The following CLECL1 variants were observed in gnomAD, a reference collection of about 807,000 sequenced individuals.
The protein encoded by CLECL1 is C-type lectin like 1, also known as C-type lectin-like domain family 1.
chr12:9,703,413 G>T, the CLECL1 span, among the ~76,000 whole-genome samples: 1 of 122,556 alleles, frequency 8.2e-6, no homozygotes. Flanking sequence ...TTTATTTATT[G>T]AGACAAGGTC....
rs111872115 is a variant in CLECL1 at position 9,723,835 on chromosome 12, C to A, written n.263-1022G>T. Reference sequence around the variant, plus strand: ...ACAAGACAACCGAACTGAGACTTGACCTGCTGCCCCAAAGATAGAGATTTA... The same window carrying A: ...ACAAGACAACCGAACTGAGACTTGAACTGCTGCCCCAAAGATAGAGATTTA... On this transcript the variant is annotated intron_variant and non_coding_transcript_variant, in intron 3 of 3. Transcript: ENST00000621400. Among the ~76,000 whole-genome samples the A allele has an allele frequency of 8.7e-3, 1,317 of 152,204 alleles. 31 individuals are homozygous for A. The highest frequency in any genetic ancestry group is 0.03 in the African/African-American group (1,225 of 41,506).
chr12:9,707,654 G>A, the CLECL1 span, among the ~76,000 whole-genome samples: 1 of 152,172 alleles, frequency 6.6e-6, no homozygotes, highest in African/African-American at 2.4e-5. Context: ...CCTGCAAGGG[G>A]GCAAGGGAAC....
the CLECL1 span, among the ~76,000 whole-genome samples, chr12:9,702,761 A>G: frequency 6.6e-6 from 1 of 152,220 alleles, no homozygotes; most frequent in Non-Finnish European, 1.5e-5. Context: ...AAGAAAACTA[A>G]TGATGACATT....
At chr12:9,722,465 C>CG (rs765216118), downstream of CLECL1, 10 of 931,126 alleles carry the variant, frequency 1.1e-5, no homozygotes, top group Non-Finnish European at 1.3e-5. Flanking sequence ...TCCTCCTAGC[C>CG]GGAAAAAAAA....
chr12:9,717,500 A>G (rs1403382831), downstream of CLECL1, among the ~76,000 whole-genome samples: 1 of 152,230 alleles, frequency 6.6e-6, no homozygotes, highest in Non-Finnish European at 1.5e-5. Context: ...AATTGAAAGG[A>G]CCTTAGATTC....
chr12:9,720,250 T>C (rs1297143283), downstream of CLECL1, among the ~76,000 whole-genome samples: 1 of 151,968 alleles, frequency 6.6e-6, no homozygotes, highest in Non-Finnish European at 1.5e-5. Context: ...TTGTTGCCCT[T>C]CTCCCCAGCA....
chr12:9,707,361 T>A, the CLECL1 span, among the ~76,000 whole-genome samples: 5 of 152,228 alleles, frequency 3.3e-5, no homozygotes, highest in Non-Finnish European at 7.3e-5. Context: ...TAAAATTACA[T>A]AGTAATTTTA....
exon 3 of CLECL1, chr12:9,716,149 C>G (rs150918651): frequency 1.1e-3 from 175 of 152,534 alleles, no homozygotes; most frequent in Non-Finnish European, 7.6e-4. Flanking sequence ...TTCTGGCTCA[C>G]TCTCACCACT....
At chr12:9,713,184 G>A (rs1866211764), downstream of CLECL1, among the ~76,000 whole-genome samples, 1 of 152,210 alleles carries the variant, frequency 6.6e-6, no homozygotes, top group African/African-American at 2.4e-5. Flanking sequence ...AGGGCAGGGA[G>A]TTTCACAATG....
At chr12:9,710,282 C>T in the CLECL1 span, among the ~76,000 whole-genome samples, 1 of 152,202 alleles carries the variant, frequency 6.6e-6, no homozygotes, top group Non-Finnish European at 1.5e-5. Context: ...ACCAGAGCCT[C>T]AGATGATGGC....
rs114835140 is a variant in CLECL1, at chr12:9,729,911, T to C, written n.83-235A>G. 6.7e-3 allele frequency among the ~76,000 whole-genome samples: 1,018 copies of C among 152,266 alleles called. 16 individuals carry two copies. The highest frequency in any genetic ancestry group is 0.023 in the African/African-American group (965 of 41,546). On this transcript the variant is annotated intron_variant and non_coding_transcript_variant, in intron 1 of 3. Transcript: ENST00000621400. ...TGGTTTCACTGTTTATATTCCCCAG[T>C]ATTGATCTTACTTATGATCACTGTC...
At chr12:9,727,375 C>T (rs1591719117) in intron 3 of CLECL1, among the ~76,000 whole-genome samples, 1 of 151,808 alleles carries the variant, frequency 6.6e-6, no homozygotes, top group East Asian at 1.9e-4. Flanking sequence ...TCATTTGTCT[C>T]ATTTTGCCTT....
At chr12:9,722,036 T>C (rs1866319153), downstream of CLECL1, among the ~76,000 whole-genome samples, 1 of 152,208 alleles carries the variant, frequency 6.6e-6, no homozygotes, top group African/African-American at 2.4e-5. Flanking sequence ...CCACAGGGTT[T>C]GCAGAAACTG....
the CLECL1 span, among the ~76,000 whole-genome samples, chr12:9,703,182 GA>G: frequency 6.6e-6 from 1 of 152,092 alleles, no homozygotes; most frequent in Non-Finnish European, 1.5e-5. Flanking sequence ...AAATTGAATA[GA>G]GTAAAGTTAT....
chr12:9,733,840 T>C (rs760877808), upstream of CLECL1, among the ~76,000 whole-genome samples: 6 of 152,354 alleles, frequency 3.9e-5, no homozygotes, highest in African/African-American at 1.4e-4. Context: ...GAATAAAAAT[T>C]TGTTAGTCTA....
intron 1 of CLECL1, among the ~76,000 whole-genome samples, chr12:9,732,656 T>A (rs921100770): frequency 2.0e-5 from 3 of 152,184 alleles, no homozygotes; most frequent in Non-Finnish European, 2.9e-5. Flanking sequence ...CAGAAAGGCG[T>A]GATCCCGCTA....
exon 3 of CLECL1, chr12:9,716,035 T>A (rs143456414): frequency 6.6e-6 from 1 of 152,310 alleles, no homozygotes; most frequent in Non-Finnish European, 1.5e-5. Flanking sequence ...GGCCCCTGGT[T>A]TCCACTCATC....
intron 3 of CLECL1, among the ~76,000 whole-genome samples, chr12:9,726,949 A>T (rs1031999279): frequency 1.3e-5 from 2 of 151,838 alleles, no homozygotes; most frequent in Admixed American, 1.3e-4. Context: ...GTAAAATCTT[A>T]ATTAATCCCC....
intron 1 of CLECL1, among the ~76,000 whole-genome samples, chr12:9,731,300 T>C (rs528413047): frequency 2.6e-5 from 4 of 152,238 alleles, no homozygotes; most frequent in Non-Finnish European, 5.9e-5. Flanking sequence ...TTATTTTACT[T>C]ATCAAGCATC....
Sources: allele counts gnomAD v4.1 joint callset (sites outside exome capture counted in the v4.1 genomes callset), GRCh38; gene constraint gnomAD v4.1.1; transcripts MANE v1.5; gene names NCBI Gene and HGNC (gene_info 2026-07-23, HGNC 2026-07-21).